Variants in CHSY3 observed in about 807,000 individuals in gnomAD.
CHSY3 encodes chondroitin sulfate synthase 3.
Under a neutral mutation model 67.2 loss-of-function variants are expected in CHSY3, and 35 were observed. The observed-to-expected ratio is 0.52, with a 90% CI of 0.40 to 0.69. The LOEUF (loss-of-function observed/expected upper bound fraction) is 0.69, where lower values mean the gene tolerates loss of function less well. CHSY3 is among the 30% of genes least tolerant of loss of function. CHSY3 has a pLI of 0.00. For synonymous variants in CHSY3, 474 were observed against 434.7 expected, an observed-to-expected ratio of 1.09 and a Z score of -1.12; for missense variants, 1,069 against 1,138.5, an observed-to-expected ratio of 0.94 and a Z score of 0.88.
intron 2 of CHSY3, among the ~76,000 whole-genome samples, chr5:130,178,584 T>G (rs1323958289): frequency 6.6e-6 from 1 of 152,014 alleles, no homozygotes; most frequent in Non-Finnish European, 1.5e-5. Flanking sequence ...GTATCTTCCC[T>G]CACTTTTCTG....
intron 2 of CHSY3, among the ~76,000 whole-genome samples, chr5:130,025,961 A>G (rs1490158955): frequency 1.3e-5 from 2 of 152,136 alleles, no homozygotes; most frequent in African/African-American, 4.8e-5. Context: ...ATGAAACAAG[A>G]AGAGGCCAGT....
intron 2 of CHSY3, among the ~76,000 whole-genome samples, chr5:129,993,833 T>A (rs1247209430): frequency 2.6e-5 from 4 of 151,574 alleles, no homozygotes; most frequent in Non-Finnish European, 4.4e-5. Context: ...TGGCATGTTT[T>A]TGCAGTGGCT....
chr5:129,956,523 T>C (rs1762179054), intron 2 of CHSY3, among the ~76,000 whole-genome samples: 1 of 152,210 alleles, frequency 6.6e-6, no homozygotes, highest in African/African-American at 2.4e-5. Flanking sequence ...ACTCAGTTGA[T>C]AGTTTCTTTT....
intron 2 of CHSY3, among the ~76,000 whole-genome samples, chr5:130,166,020 A>C (rs937168405): frequency 6.6e-6 from 1 of 152,148 alleles, no homozygotes; most frequent in African/African-American, 2.4e-5. Context: ...ATTAGGAGCA[A>C]TAGTAGTGAA....
intron 2 of CHSY3, among the ~76,000 whole-genome samples, chr5:130,135,740 G>T (rs1010708509): frequency 6.6e-6 from 1 of 152,054 alleles, no homozygotes; most frequent in Non-Finnish European, 1.5e-5. Context: ...AAATAACTCC[G>T]TGTGTCTCAG....
chr5:130,156,936 A>G (rs569177417), intron 2 of CHSY3, among the ~76,000 whole-genome samples: 1 of 152,368 alleles, frequency 6.6e-6, no homozygotes, highest in South Asian at 2.1e-4. Context: ...CTGTAAGGAT[A>G]TACTGTCATT....
At chr5:130,051,609 A>C (rs1438446573) in intron 2 of CHSY3, among the ~76,000 whole-genome samples, 1 of 152,116 alleles carries the variant, frequency 6.6e-6, no homozygotes, top group East Asian at 1.9e-4. Flanking sequence ...ATTTCCTGTG[A>C]GGAGGACAAG....
intron 2 of CHSY3, among the ~76,000 whole-genome samples, chr5:129,967,626 A>G (rs1191457212): frequency 1.3e-5 from 2 of 151,886 alleles, no homozygotes; most frequent in Non-Finnish European, 2.9e-5. Flanking sequence ...GAATTGCAGT[A>G]CAGACCTTTA....
intron 2 of CHSY3, among the ~76,000 whole-genome samples, chr5:129,955,400 GGTTTTT>G (rs1762142690): frequency 6.6e-6 from 1 of 151,602 alleles, no homozygotes; most frequent in African/African-American, 2.4e-5. Context: ...ATTTTTACTT[GGTTTTT>G]GTTTTTGTTT....
intron 2 of CHSY3, among the ~76,000 whole-genome samples, chr5:130,180,054 C>T (rs1050022282): frequency 1.3e-5 from 2 of 152,152 alleles, no homozygotes; most frequent in South Asian, 2.1e-4. Context: ...AGTTCCTGAA[C>T]TTAGAGTTGT....
In CHSY3 at chr5:129,955,897, T is replaced by A. The variant is rs145507066; in HGVS notation, c.1086+47537T>A. On this transcript the variant is annotated intron_variant, in intron 2 of 2. Transcript: ENST00000305031. ...GTTCTTTTGTTATGGCTGCATAGTA[T>A]TCCATGGTGTACAAGTACCACATTC... Among the ~76,000 whole-genome samples the A allele has an allele frequency of 9.8e-5, 15 of 152,350 alleles. No homozygotes were observed. In the East Asian group the frequency reaches 2.9e-3, roughly 29 times the overall value.
intron 2 of CHSY3, among the ~76,000 whole-genome samples, chr5:129,916,345 A>G (rs1364009411): frequency 7.2e-5 from 11 of 152,212 alleles, no homozygotes; most frequent in African/African-American, 2.2e-4. Flanking sequence ...CCAACTAGGT[A>G]AGGACAGGAT....
intron 2 of CHSY3, among the ~76,000 whole-genome samples, chr5:130,020,422 A>AAAATATATATAT (rs1764335450): frequency 3.0e-5 from 1 of 33,356 alleles, no homozygotes; most frequent in Non-Finnish European, 6.0e-5. Flanking sequence ...TTCATCTCAA[A>AAAATATATATAT]ATATATATAT....
intron 2 of CHSY3, among the ~76,000 whole-genome samples, chr5:130,164,832 G>T (rs562080985): frequency 1.3e-5 from 2 of 152,238 alleles, no homozygotes; most frequent in South Asian, 2.1e-4. Context: ...GGAAAAAATG[G>T]CACCTAGTAC....
At chr5:129,979,595 T>G (rs1762925369) in intron 2 of CHSY3, among the ~76,000 whole-genome samples, 1 of 152,224 alleles carries the variant, frequency 6.6e-6, no homozygotes, top group African/African-American at 2.4e-5. Context: ...TCGATGAGCC[T>G]GAATGGACAC....
intron 2 of CHSY3, among the ~76,000 whole-genome samples, chr5:130,095,385 G>T (rs1024610685): frequency 6.6e-6 from 1 of 152,184 alleles, no homozygotes; most frequent in Non-Finnish European, 1.5e-5. Flanking sequence ...ATACTGGAAA[G>T]TGCCAGGTGC....
At chr5:130,088,815 G>T (rs919398153) in intron 2 of CHSY3, among the ~76,000 whole-genome samples, 1 of 152,048 alleles carries the variant, frequency 6.6e-6, no homozygotes, top group South Asian at 2.1e-4. Flanking sequence ...TCAGTGTGGC[G>T]ATTCCTCAGG....
chr5:130,075,330 A>G (rs966504806), intron 2 of CHSY3, among the ~76,000 whole-genome samples: 4 of 152,302 alleles, frequency 2.6e-5, no homozygotes, highest in Non-Finnish European at 5.9e-5. Flanking sequence ...TAGTGATAAT[A>G]CAATAAAGCA....
At chr5:129,920,497 G>C (rs555856492) in intron 2 of CHSY3, among the ~76,000 whole-genome samples, 3 of 152,106 alleles carry the variant, frequency 2.0e-5, no homozygotes, top group Non-Finnish European at 4.4e-5. Context: ...ACCCACCTTG[G>C]CCTCTCAAAG....
Sources: gnomAD v4.1 joint callset for allele counts (sites outside exome capture counted in the v4.1 genomes callset) on GRCh38, gnomAD v4.1.1 for gene constraint, MANE v1.5 for transcripts, NCBI Gene and HGNC (gene_info 2026-07-23, HGNC 2026-07-21) for gene names.